TMEM135: variants seen among roughly 807,000 people sequenced by gnomAD.
TMEM135 encodes the protein transmembrane protein 135, also known as peroxisomal membrane protein 52.
Under a neutral mutation model 60.3 loss-of-function variants are expected in TMEM135, and 30 were observed. The ratio of observed to expected loss-of-function variants is 0.50; its 90% CI spans 0.37 to 0.68. The LOEUF is 0.68. TMEM135 is among the 30% of genes least tolerant of loss of function. The pLI, the probability that TMEM135 is intolerant of heterozygous loss-of-function variation, is 0.00. For missense variants in TMEM135, 468 were observed against 548.8 expected, an observed-to-expected ratio of 0.85 and a Z score of 1.47; for synonymous variants, 190 against 186.7, an observed-to-expected ratio of 1.02 and a Z score of -0.14.
intron 4 of TMEM135, among the ~76,000 whole-genome samples, chr11:87,105,890 C>G (rs1857582449): frequency 6.6e-6 from 1 of 152,284 alleles, no homozygotes; most frequent in South Asian, 2.1e-4. Context: ...CTGTATCTCA[C>G]TTTATGTTTG....
chr11:87,159,486 T>A (rs898097264), intron 5 of TMEM135, among the ~76,000 whole-genome samples: 2 of 152,140 alleles, frequency 1.3e-5, no homozygotes, highest in African/African-American at 4.8e-5. Flanking sequence ...CATGCATTCA[T>A]TAAATGGTAG....
At chr11:87,278,739 CTCTATGAGT>C (rs1407781165) in intron 6 of TMEM135, among the ~76,000 whole-genome samples, 3 of 152,068 alleles carry the variant, frequency 2.0e-5, no homozygotes, top group Middle Eastern at 3.2e-3. Flanking sequence ...GAAGAGTATA[CTCTATGAGT>C]TCTATGAGTT....
At chr11:87,222,877 G>A (rs1940673042) in intron 5 of TMEM135, among the ~76,000 whole-genome samples, 1 of 152,006 alleles carries the variant, frequency 6.6e-6, no homozygotes, top group Non-Finnish European at 1.5e-5. Context: ...TCTATAAACT[G>A]TTAAAATACT....
intron 1 of TMEM135, among the ~76,000 whole-genome samples, chr11:87,042,300 C>T (rs1212785328): frequency 6.6e-6 from 1 of 152,172 alleles, no homozygotes; most frequent in East Asian, 1.9e-4. Flanking sequence ...AGCATTCCTT[C>T]TTTTCTTTTG....
intron 5 of TMEM135, among the ~76,000 whole-genome samples, chr11:87,191,264 A>G (rs1181480590): frequency 1.3e-5 from 2 of 151,304 alleles, no homozygotes; most frequent in African/African-American, 2.4e-5. Flanking sequence ...TTTCTGAGAC[A>G]GAGTCCCGCT....
Position 87,252,798 on chromosome 11 carries a change from A to ATGTGTGTGTGTGTGTGTG in TMEM135, c.509+16130_509+16147dup, listed in dbSNP as rs558272693. 1.1e-3 allele frequency among the ~76,000 whole-genome samples: 153 copies of ATGTGTGTGTGTGTGTGTG among 134,212 alleles called. 1 individual carries two copies. Among genetic ancestry groups the ATGTGTGTGTGTGTGTGTG allele is most frequent in the South Asian group, 2.0e-3 (8 of 4,078 alleles). 88.0% of individuals were successfully genotyped at this position (134,212 alleles called of 152,430 possible). A position where few individuals can be genotyped will look rare whatever the true frequency, so the allele number is the denominator to read the frequency against. The stretch of plus-strand genomic sequence containing the variant: ...AAAAAAAAAAAAAATTAAAATATAT[A>ATGTGTGTGTGTGTGTGTG]TGTGTGTGTGTGTGTGTGTGTGTGT... On this transcript the variant is annotated intron_variant, in intron 6 of 14. Transcript: ENST00000305494.
chr11:87,128,090 G>A (rs1041764856), intron 4 of TMEM135, among the ~76,000 whole-genome samples: 14 of 152,104 alleles, frequency 9.2e-5, no homozygotes, highest in Admixed American at 4.6e-4. Flanking sequence ...GTGGTTACAC[G>A]GATAATAGAG....
At chr11:87,159,617 A>ACACACACACCCCCCC (rs140303858) in intron 5 of TMEM135, among the ~76,000 whole-genome samples, 2 of 149,344 alleles carry the variant, frequency 1.3e-5, no homozygotes, top group African/African-American at 5.0e-5. Flanking sequence ...ACACACACAC[A>ACACACACACCCCCCC]CCATAGATTT....
chr11:87,229,266 G>A (rs1387181581), intron 5 of TMEM135, among the ~76,000 whole-genome samples: 1 of 151,764 alleles, frequency 6.6e-6, no homozygotes, highest in Non-Finnish European at 1.5e-5. Flanking sequence ...GTTTCTAAAA[G>A]GCCATTAACC....
intron 1 of TMEM135, among the ~76,000 whole-genome samples, chr11:87,057,135 T>G (rs1949901580): frequency 6.6e-6 from 1 of 152,220 alleles, no homozygotes; most frequent in Non-Finnish European, 1.5e-5. Context: ...GGACTCAGTC[T>G]GAGTCTTGTT....
intron 14 of TMEM135, among the ~76,000 whole-genome samples, chr11:87,320,343 T>A (rs1942799967): frequency 6.6e-6 from 1 of 152,194 alleles, no homozygotes; most frequent in South Asian, 2.1e-4. Flanking sequence ...CTCTTATCCA[T>A]GTCACTGTAG....
chr11:87,157,646 TA>T (rs1157349747), intron 5 of TMEM135: 7 of 408,036 alleles, frequency 1.7e-5, no homozygotes, highest in Non-Finnish European at 3.1e-5. Flanking sequence ...TCTTTACTCT[TA>T]AAAAATGACA....
At chr11:87,206,870 T>C (rs1404325089) in intron 5 of TMEM135, among the ~76,000 whole-genome samples, 2 of 152,190 alleles carry the variant, frequency 1.3e-5, no homozygotes, top group Admixed American at 1.3e-4. Flanking sequence ...AGAGGCTTTA[T>C]TTTTAACATG....
chr11:87,072,525 C>T (rs1199064600), intron 3 of TMEM135, among the ~76,000 whole-genome samples: 8 of 152,016 alleles, frequency 5.3e-5, no homozygotes, highest in African/African-American at 1.4e-4. Context: ...GGATTACAGG[C>T]GCATGCCACC....
chr11:87,176,818 T>G (rs979763672), intron 5 of TMEM135, among the ~76,000 whole-genome samples: 7 of 152,086 alleles, frequency 4.6e-5, no homozygotes, highest in African/African-American at 1.7e-4. Flanking sequence ...ATTTTACACA[T>G]GTATACCTCT....
intron 11 of TMEM135, among the ~76,000 whole-genome samples, chr11:87,314,140 C>T (rs3737363): frequency 0.096 from 14,614 of 151,588 alleles, 941 homozygotes; most frequent in Non-Finnish European, 0.13. Flanking sequence ...CACTTAAAAT[C>T]GAAAAGGAAC....
At chr11:87,233,249 A>G (rs1285593137) in intron 5 of TMEM135, among the ~76,000 whole-genome samples, 1 of 152,110 alleles carries the variant, frequency 6.6e-6, no homozygotes, top group Non-Finnish European at 1.5e-5. Context: ...AAATAGCAAG[A>G]TGATAGATTT....
intron 4 of TMEM135, among the ~76,000 whole-genome samples, chr11:87,135,026 C>T (rs1938050672): frequency 6.6e-6 from 1 of 152,162 alleles, no homozygotes; most frequent in African/African-American, 2.4e-5. Context: ...TATTAAGTAT[C>T]ATAGGCTGTT....
chr11:87,323,691 G>A lies in TMEM135; in HGVS notation c.*2358G>A, dbSNP rs1490973822. The A allele has an allele frequency of 2.2e-6, 1 of 452,736 alleles. No individual in the cohort carries two copies. The highest frequency in any genetic ancestry group is 2.4e-5 in the Admixed American group (1 of 42,366). 28.0% of individuals were successfully genotyped at this position (452,736 alleles called of 1,614,324 possible). A position where few individuals can be genotyped will look rare whatever the true frequency, so the allele number is the denominator to read the frequency against. On this transcript the variant is annotated 3_prime_UTR_variant, in exon 15 of 15. Transcript: ENST00000305494. Reference sequence around the variant, plus strand: ...GCAGTGGTATTATGGTCATTTCGTTGCTATTTTCTGTTTTAATAAAATCCT... The same window carrying A: ...GCAGTGGTATTATGGTCATTTCGTTACTATTTTCTGTTTTAATAAAATCCT...
Sources: allele counts gnomAD v4.1 joint callset (sites outside exome capture counted in the v4.1 genomes callset), GRCh38; gene constraint gnomAD v4.1.1; transcripts MANE v1.5; gene names NCBI Gene and HGNC (gene_info 2026-07-23, HGNC 2026-07-21).